Variants in AFF3 observed in about 807,000 individuals in gnomAD.
The protein encoded by AFF3 is AF4/FMR2 family member 3.
A neutral mutation model predicts 129.7 loss-of-function variants in AFF3; 32 were observed. The ratio of observed to expected loss-of-function variants is 0.25; its 90% confidence interval spans 0.19 to 0.33. AFF3 has a LOEUF of 0.33. AFF3 is among the 10% of genes least tolerant of loss of function. The pLI is 1.00. For synonymous variants in AFF3, 644 were observed against 635.4 expected (o/e 1.01, Z -0.20); for missense variants, 1,373 against 1,592.0 (o/e 0.86, Z 2.34).
At chr2:99,590,830 C>G (rs982758641) in intron 15 of AFF3, among the ~76,000 whole-genome samples, 63 of 151,986 alleles carry the variant, frequency 4.1e-4, no homozygotes, top group African/African-American at 1.3e-3. Flanking sequence ...CCCGTCTGTA[C>G]TAAAAATACC....
intron 10 of AFF3, among the ~76,000 whole-genome samples, chr2:99,733,719 A>G (rs867774106): frequency 1.3e-5 from 2 of 152,238 alleles, no homozygotes; most frequent in Non-Finnish European, 2.9e-5. Flanking sequence ...CTATTAATCT[A>G]TATCATCATC....
At chr2:99,908,634 A>G (rs985853878) in intron 7 of AFF3, among the ~76,000 whole-genome samples, 2 of 152,240 alleles carry the variant, frequency 1.3e-5, no homozygotes, top group African/African-American at 4.8e-5. Context: ...ACAAGAAAAA[A>G]ACAAACAACC....
At chr2:99,887,346 G>A (rs541005509) in intron 7 of AFF3, among the ~76,000 whole-genome samples, 1 of 152,272 alleles carries the variant, frequency 6.6e-6, no homozygotes, top group South Asian at 2.1e-4. Flanking sequence ...AAACCTTATT[G>A]TTATTAGAAT....
intron 13 of AFF3, among the ~76,000 whole-genome samples, chr2:99,614,781 C>T (rs1192548173): frequency 1.3e-5 from 2 of 152,168 alleles, no homozygotes; most frequent in Non-Finnish European, 2.9e-5. Flanking sequence ...ATCAGCTTTT[C>T]TTTTTCAGAT....
rs767471031 is a variant in AFF3, at chr2:99,727,098, T to C, written c.1070A>G (p.Asp357Gly). The C allele has an allele frequency of 6.8e-6, 11 of 1,610,490 alleles. No homozygotes were observed. The East Asian group carries it at 1.3e-4, about 20-fold the overall frequency. ...KKGDAEPESP[D>G]NGTSNTSMLE... is the part of the protein sequence containing the mutation. ...TTACGATGTATTCGATGTGCCATTG[T>C]CTGGACTCTCTGGCTCTGCATCACC... The change falls in exon 11 of 25, where the codon GAC becomes GGC. Residue 357 changes from aspartate (D) to glycine (G), a missense_variant. Physicochemically the swap from Asp to Gly is moderately conservative, Grantham distance 94. This residue lies in a region of AFF3 where 413 missense variants were observed against 424.4 expected (regional missense o/e 0.97). Coordinates refer to ENST00000672756, the MANE Select transcript of AFF3 (RefSeq NM_001386135.1).
chr2:100,129,828 T>C (rs1692349881), intron 1 of AFF3, among the ~76,000 whole-genome samples: 1 of 152,200 alleles, frequency 6.6e-6, no homozygotes, highest in South Asian at 2.1e-4. Context: ...AAATTGAGAC[T>C]CAGAGAGAAA....
At chr2:100,026,927 G>A (rs1000216725) in intron 4 of AFF3, among the ~76,000 whole-genome samples, 1 of 151,788 alleles carries the variant, frequency 6.6e-6, no homozygotes, top group African/African-American at 2.4e-5. Context: ...TGGGGACTTG[G>A]GGGGAAGGGT....
intron 8 of AFF3, among the ~76,000 whole-genome samples, chr2:99,811,847 T>G (rs1686816485): frequency 6.6e-6 from 1 of 152,250 alleles, no homozygotes; most frequent in South Asian, 2.1e-4. Flanking sequence ...TTTCTTTGTA[T>G]GAATAAAAGA....
At chr2:99,667,720 C>G (rs1322748152) in intron 12 of AFF3, among the ~76,000 whole-genome samples, 1 of 152,102 alleles carries the variant, frequency 6.6e-6, no homozygotes, top group African/African-American at 2.4e-5. Context: ...TTATAAACAA[C>G]CCTATCCACA....
rs373376348 is a variant in AFF3, at chr2:100,006,723, C to T, written c.782G>A (p.Cys261Tyr). The T allele has an allele frequency of 1.7e-5, 28 of 1,614,084 alleles. No homozygotes were observed. In the South Asian group the frequency reaches 1.9e-4, roughly 11 times the overall value. Reference protein sequence around the residue: ...LKSSSETSVHCTSYRGVPASK... With the variant: ...LKSSSETSVHYTSYRGVPASK... ...GGCAGGGACTCCCCTGTATGATGTG[C>T]AGTGCACGCTGGTTTCCGAAGACGA... Residue 261 changes from cysteine to tyrosine, a missense_variant, in exon 7 of 25, where the codon TGC becomes TAC. Physicochemically the swap from Cys to Tyr is radical, Grantham distance 194. Transcript: ENST00000672756.
At chr2:100,092,072 C>G (rs1424761405) in intron 4 of AFF3, among the ~76,000 whole-genome samples, 1 of 151,896 alleles carries the variant, frequency 6.6e-6, no homozygotes, top group Non-Finnish European at 1.5e-5. Context: ...GCTGATAACG[C>G]CCACTTATTT....
intron 4 of AFF3, among the ~76,000 whole-genome samples, chr2:100,023,294 G>A (rs1683748893): frequency 6.6e-6 from 1 of 152,116 alleles, no homozygotes; most frequent in South Asian, 2.1e-4. Flanking sequence ...GCTGCTTCAG[G>A]TACATTCTGG....
At position 99,774,217 on chromosome 2, in the gene AFF3, C is replaced by T. The variant is rs182714994; in HGVS notation, c.922-21916G>A. Among the ~76,000 whole-genome samples, 17 of 152,258 alleles carry T rather than the reference C, an allele frequency of 1.1e-4. No homozygotes were observed. The East Asian group carries it at 2.5e-3, about 22-fold the overall frequency. On this transcript the variant is annotated intron_variant, in intron 8 of 24. Transcript: ENST00000672756. ...ATTAAACTACCATTGACATTCTTCACAGAATTAGAAAAAACTATTTTAAAA... is the reference window on the plus strand; with the variant it reads ...ATTAAACTACCATTGACATTCTTCATAGAATTAGAAAAAACTATTTTAAAA...
intron 2 of AFF3, chr2:100,105,938 G>T (rs1691263895): frequency 7.5e-7 from 1 of 1,328,582 alleles, no homozygotes; most frequent in South Asian, 1.2e-5. Context: ...CTTTTTCTGG[G>T]CAAGAACCGC....
intron 11 of AFF3, among the ~76,000 whole-genome samples, chr2:99,724,567 C>T (rs927112714): frequency 6.6e-6 from 1 of 152,082 alleles, no homozygotes; most frequent in Non-Finnish European, 1.5e-5. Flanking sequence ...GACACCGCAC[C>T]TGGCCTGGAG....
intron 4 of AFF3, among the ~76,000 whole-genome samples, chr2:100,027,929 AC>A (rs1684179475): frequency 6.6e-6 from 1 of 152,226 alleles, no homozygotes; most frequent in South Asian, 2.1e-4. Flanking sequence ...TCATTACTTT[AC>A]TATGAAAACA....
intron 10 of AFF3, among the ~76,000 whole-genome samples, chr2:99,733,369 G>A (rs1265202718): frequency 5.5e-5 from 6 of 109,326 alleles, no homozygotes; most frequent in Admixed American, 1.1e-4. Flanking sequence ...GACAGAGCGA[G>A]ACTCCGTCCA....
chr2:99,969,948 A>G (rs1678187194), intron 7 of AFF3, among the ~76,000 whole-genome samples: 1 of 152,232 alleles, frequency 6.6e-6, no homozygotes, highest in Non-Finnish European at 1.5e-5. Flanking sequence ...CCACATTTGT[A>G]TAATGTTCTC....
chr2:99,845,944 T>C (rs567550763), intron 7 of AFF3, among the ~76,000 whole-genome samples: 1 of 152,148 alleles, frequency 6.6e-6, no homozygotes, highest in Admixed American at 6.5e-5. Context: ...ACCATTCTCC[T>C]GCCTCAGCCT....
Sources: gnomAD v4.1 joint callset for allele counts (sites outside exome capture counted in the v4.1 genomes callset) on GRCh38, gnomAD v4.1.1 for gene constraint, gnomAD v4.1.1 regional missense constraint, MANE v1.5 for transcripts, NCBI Gene and HGNC (gene_info 2026-07-23, HGNC 2026-07-21) for gene names.